Variants in VAV3 observed in about 807,000 individuals in gnomAD.
The protein encoded by VAV3 is vav guanine nucleotide exchange factor 3.
VAV3 carries 94 observed loss-of-function variants against 131.2 expected under a neutral mutation model. The ratio of observed to expected loss-of-function variants is 0.72; its 90% confidence interval spans 0.61 to 0.85. VAV3 has a LOEUF of 0.85. VAV3 is among the 40% of genes least tolerant of loss of function. VAV3 has a pLI of 0.00. For synonymous variants in VAV3, 349 were observed against 342.0 expected (o/e 1.02, Z -0.22); for missense variants, 939 against 1,002.7 (o/e 0.94, Z 0.86).
At chr1:107,755,820 C>T (rs994399446) in intron 11 of VAV3, among the ~76,000 whole-genome samples, 3 of 151,932 alleles carry the variant, frequency 2.0e-5, no homozygotes, top group Non-Finnish European at 4.4e-5. Context: ...AAAACTAGGT[C>T]GGAAGAATAG....
At chr1:107,613,209 C>T (rs896879433) in intron 21 of VAV3, among the ~76,000 whole-genome samples, 2 of 152,112 alleles carry the variant, frequency 1.3e-5, no homozygotes, top group African/African-American at 4.8e-5. Context: ...GGTTTCATTA[C>T]AATGCATCCA....
At chr1:107,765,004 T>A in intron 9 of VAV3, 72 bp downstream of exon 9, 1 of 972,808 alleles carries the variant, frequency 1.0e-6, no homozygotes, top group East Asian at 2.4e-5. Flanking sequence ...ACTGCTTCAC[T>A]GATCATAAAG....
chr1:107,869,146 A>G (rs146150123), intron 2 of VAV3, among the ~76,000 whole-genome samples: 177 of 152,306 alleles, frequency 1.2e-3, no homozygotes, highest in African/African-American at 4.2e-3. Flanking sequence ...TTCCTGAACC[A>G]TCACTATGTG....
chr1:107,576,101 T>C (rs1649625053), intron 25 of VAV3, among the ~76,000 whole-genome samples: 2 of 152,176 alleles, frequency 1.3e-5, no homozygotes, highest in African/African-American at 2.4e-5. Flanking sequence ...AATGATTTTA[T>C]AGATTTTTCA....
Position 107,905,196 on chromosome 1 carries a change from GA to G in VAV3, c.205-30180del, listed in dbSNP as rs1672046781. Reference sequence around the variant, plus strand: ...AGGACCTTTGTGTATTGCACAACCTGATAAGTCAGCCTTACCTAGAATTCCT... The same window carrying G: ...AGGACCTTTGTGTATTGCACAACCTGTAAGTCAGCCTTACCTAGAATTCCT... On this transcript the variant is annotated intron_variant, in intron 1 of 26. Coordinates refer to ENST00000370056, the MANE Select transcript of VAV3 (RefSeq NM_006113.5). Among the ~76,000 whole-genome samples, 7 of 152,270 alleles carry G rather than the reference GA, an allele frequency of 4.6e-5. No individual in the cohort carries two copies. In the South Asian group the frequency reaches 1.4e-3, roughly 32 times the overall value.
intron 15 of VAV3, 113 bp downstream of exon 15, chr1:107,748,855 G>T: frequency 6.1e-6 from 5 of 819,816 alleles, no homozygotes; most frequent in Non-Finnish European, 9.2e-6. Flanking sequence ...CATTCCCGTC[G>T]CTGTACACAT....
chr1:107,644,630 G>A (rs1490511351), intron 19 of VAV3, among the ~76,000 whole-genome samples: 3 of 152,094 alleles, frequency 2.0e-5, no homozygotes, highest in Admixed American at 6.6e-5. Flanking sequence ...GATGGAAAGA[G>A]CTGTTTCTTT....
chr1:107,962,438 T>G (rs1038431798), intron 1 of VAV3, among the ~76,000 whole-genome samples: 3 of 152,160 alleles, frequency 2.0e-5, no homozygotes, highest in African/African-American at 7.2e-5. Context: ...GCAGAAAAAA[T>G]GTTTTTCATA....
chr1:107,926,533 C>T (rs904587117), intron 1 of VAV3, among the ~76,000 whole-genome samples: 8 of 151,736 alleles, frequency 5.3e-5, no homozygotes, highest in African/African-American at 1.9e-4. Context: ...GAAAGCAGCA[C>T]TGAAGAGGAT....
chr1:107,845,767 A>G (rs1046869352), intron 2 of VAV3, among the ~76,000 whole-genome samples: 1 of 152,150 alleles, frequency 6.6e-6, no homozygotes, highest in African/African-American at 2.4e-5. Context: ...ATGAAAAGGA[A>G]CAAACAAAGA....
intron 2 of VAV3, among the ~76,000 whole-genome samples, chr1:107,793,141 A>G (rs1666375839): frequency 6.6e-6 from 1 of 152,210 alleles, no homozygotes; most frequent in Non-Finnish European, 1.5e-5. Flanking sequence ...AACCTTATGA[A>G]CAGAATAATG....
chr1:107,610,030 T>A, intron 21 of VAV3, 65 bp from the exon 22 acceptor site: 1 of 1,502,932 alleles, frequency 6.7e-7, no homozygotes, highest in Non-Finnish European at 9.3e-7. Context: ...AATCAATCAT[T>A]AATTCAGTTC....
chr1:107,851,585 T>C (rs1465255121), intron 2 of VAV3, among the ~76,000 whole-genome samples: 1 of 152,146 alleles, frequency 6.6e-6, no homozygotes, highest in Non-Finnish European at 1.5e-5. Context: ...CCTACACTTG[T>C]TAAGAGCTCT....
chr1:107,792,540 GA>G (rs2102276002), intron 2 of VAV3, among the ~76,000 whole-genome samples: 1 of 152,288 alleles, frequency 6.6e-6, no homozygotes, highest in Non-Finnish European at 1.5e-5. Context: ...CTGTTTACTA[GA>G]GTGGGAAGGC....
intron 2 of VAV3, among the ~76,000 whole-genome samples, chr1:107,874,430 C>G (rs568776482): frequency 6.6e-6 from 1 of 152,242 alleles, no homozygotes; most frequent in African/African-American, 2.4e-5. Flanking sequence ...GTCACCCAAC[C>G]AAGTATCAAA....
At chr1:107,736,865 A>C (rs376679089) in intron 15 of VAV3, among the ~76,000 whole-genome samples, 2 of 152,206 alleles carry the variant, frequency 1.3e-5, no homozygotes, top group African/African-American at 4.8e-5. Flanking sequence ...TTTAAAGTTC[A>C]TATGGAAACA....
At chr1:107,889,132 A>AGTGTGTGTGAGT (rs1671188973) in intron 1 of VAV3, among the ~76,000 whole-genome samples, 1 of 141,926 alleles carries the variant, frequency 7.0e-6, no homozygotes, top group Non-Finnish European at 1.5e-5. Flanking sequence ...TCCTGTGTAG[A>AGTGTGTGTGAGT]GTGTGTGTGT....
chr1:107,645,253 T>C (rs1050880218), intron 19 of VAV3, among the ~76,000 whole-genome samples: 6 of 151,954 alleles, frequency 3.9e-5, no homozygotes, highest in Non-Finnish European at 4.4e-5. Context: ...ACTTACAAAG[T>C]ATAGTGTTTC....
intron 19 of VAV3, 50 bp from the exon 20 acceptor site, chr1:107,642,805 A>G: frequency 6.2e-7 from 1 of 1,610,484 alleles, no homozygotes; most frequent in Non-Finnish European, 8.5e-7. Context: ...ATGATGCATG[A>G]AGTCTACATG....
Sources: allele counts gnomAD v4.1 joint callset (sites outside exome capture counted in the v4.1 genomes callset), GRCh38; gene constraint gnomAD v4.1.1; transcripts MANE v1.5; gene names NCBI Gene and HGNC (gene_info 2026-07-23, HGNC 2026-07-21).